The following EXOC4 variants were observed in gnomAD, a reference collection of about 807,000 sequenced individuals.
The protein encoded by EXOC4 is exocyst complex component 4.
EXOC4 carries 71 observed loss-of-function variants against 107.2 expected under a neutral mutation model. The observed-to-expected ratio is 0.66, with a 90% confidence interval of 0.55 to 0.81. The LOEUF (loss-of-function observed/expected upper bound fraction) is 0.81. Ranked by LOEUF, EXOC4 falls within the 30% of genes least tolerant of loss-of-function variation. EXOC4 has a pLI of 0.00. For missense variants in EXOC4, 1,108 were observed against 1,189.6 expected (o/e 0.93, Z 1.01); for synonymous variants, 456 against 441.2 (o/e 1.03, Z -0.42).
chr7:133,673,588 A>G (rs567307004), intron 10 of EXOC4, among the ~76,000 whole-genome samples: 37 of 151,986 alleles, frequency 2.4e-4, no homozygotes, highest in Admixed American at 6.5e-4. Context: ...GCATGTCCCA[A>G]CCTCTGGTTG....
chr7:133,939,410 T>C (rs1246087709), intron 14 of EXOC4, among the ~76,000 whole-genome samples: 3 of 152,200 alleles, frequency 2.0e-5, no homozygotes, highest in Non-Finnish European at 2.9e-5. Flanking sequence ...CAAGGGCCAA[T>C]GCAGGGTGGG....
chr7:133,370,427 CATAG>C (rs1738689348), intron 6 of EXOC4, among the ~76,000 whole-genome samples: 2 of 152,016 alleles, frequency 1.3e-5, no homozygotes, highest in South Asian at 2.1e-4. Context: ...GCTTCTGGGT[CATAG>C]ATAGATAGAG....
At chr7:133,302,441 A>G (rs994887583) in intron 3 of EXOC4, among the ~76,000 whole-genome samples, 2 of 152,176 alleles carry the variant, frequency 1.3e-5, no homozygotes, top group African/African-American at 4.8e-5. Flanking sequence ...AAAAATACTT[A>G]TATCTGTCTA....
chr7:133,618,203 G>A (rs1802241521), intron 9 of EXOC4, among the ~76,000 whole-genome samples: 1 of 151,644 alleles, frequency 6.6e-6, no homozygotes, highest in Admixed American at 6.6e-5. Flanking sequence ...TATTTTTAAT[G>A]GCTGCATAAT....
At chr7:133,780,316 A>AAG (rs60621892) in intron 10 of EXOC4, among the ~76,000 whole-genome samples, 1 of 151,388 alleles carries the variant, frequency 6.6e-6, no homozygotes, top group Non-Finnish European at 1.5e-5. Flanking sequence ...AAAAAAAAAA[A>AAG]GCCATACTTT....
At position 133,519,625 on chromosome 7, in the gene EXOC4, GAATC is replaced by G. The variant is rs1043570769; in HGVS notation, c.1417+39492_1417+39495del. Among the ~76,000 whole-genome samples the G allele has an allele frequency of 2.1e-4, 32 of 152,108 alleles. 1 individual carries two copies. Among genetic ancestry groups the G allele is most frequent in the Admixed American group, 2.0e-3 (30 of 15,266 alleles). Reference sequence around the variant, plus strand: ...AAATAGGAGAAAAAAAGCCAAAGAGGAATCAATCCATAGCCTTTTTAATAGAAAA... The same window carrying G: ...AAATAGGAGAAAAAAAGCCAAAGAGGAATCCATAGCCTTTTTAATAGAAAA... On this transcript the variant is annotated intron_variant, in intron 9 of 17. Coordinates refer to ENST00000253861, the MANE Select transcript of EXOC4 (RefSeq NM_021807.4).
At chr7:133,970,305 C>T (rs999402303) in intron 14 of EXOC4, among the ~76,000 whole-genome samples, 1 of 152,162 alleles carries the variant, frequency 6.6e-6, no homozygotes, top group African/African-American at 2.4e-5. Flanking sequence ...ATCCGCTGAG[C>T]TAGACCACTT....
chr7:133,781,034 A>G (rs1161699209), intron 10 of EXOC4, among the ~76,000 whole-genome samples: 2 of 152,364 alleles, frequency 1.3e-5, no homozygotes, highest in South Asian at 2.1e-4. Context: ...GGCACTGGCC[A>G]CTGAGTCAGC....
chr7:133,584,354 A>C (rs897162095), intron 9 of EXOC4, among the ~76,000 whole-genome samples: 2 of 152,090 alleles, frequency 1.3e-5, no homozygotes, highest in Admixed American at 6.6e-5. Context: ...TTATCTGCCC[A>C]AAACCCTTTT....
chr7:133,779,867 C>G (rs1291579258), intron 10 of EXOC4, among the ~76,000 whole-genome samples: 3 of 137,876 alleles, frequency 2.2e-5, no homozygotes, highest in African/African-American at 8.4e-5. Flanking sequence ...ACCTGGCCAC[C>G]CCAGCCAGCA....
intron 15 of EXOC4, among the ~76,000 whole-genome samples, chr7:134,002,111 A>G (rs1794543112): frequency 1.3e-5 from 2 of 152,236 alleles, no homozygotes; most frequent in South Asian, 4.1e-4. Flanking sequence ...GGCTACAACC[A>G]GTGCCATTAC....
intron 11 of EXOC4, among the ~76,000 whole-genome samples, chr7:133,886,657 T>G (rs546826015): frequency 6.6e-6 from 1 of 152,334 alleles, no homozygotes; most frequent in African/African-American, 2.4e-5. Context: ...TATGATTTGT[T>G]TAATAGAAAT....
intron 13 of EXOC4, among the ~76,000 whole-genome samples, chr7:133,936,591 A>G (rs1384011554): frequency 1.3e-5 from 2 of 151,992 alleles, no homozygotes; most frequent in African/African-American, 2.4e-5. Context: ...CTGCTTACCC[A>G]CCTGTGTGTA....
chr7:133,614,013 T>A (rs1802131862), intron 9 of EXOC4, among the ~76,000 whole-genome samples: 1 of 152,064 alleles, frequency 6.6e-6, no homozygotes, highest in South Asian at 2.1e-4. Flanking sequence ...CTAAAAAATG[T>A]CAAGTTAATA....
chr7:133,647,075 C>T (rs929319568), intron 10 of EXOC4, among the ~76,000 whole-genome samples: 1 of 152,180 alleles, frequency 6.6e-6, no homozygotes, highest in Admixed American at 6.5e-5. Context: ...GCATTGCTCA[C>T]ATCCAGTTTG....
intron 4 of EXOC4, among the ~76,000 whole-genome samples, chr7:133,311,713 A>G (rs1221275009): frequency 1.3e-5 from 2 of 152,216 alleles, no homozygotes; most frequent in Admixed American, 6.5e-5. Context: ...AGGATAAACT[A>G]TACTCTGAGG....
chr7:133,276,849 C>T (rs757149200), intron 2 of EXOC4, among the ~76,000 whole-genome samples: 9 of 152,176 alleles, frequency 5.9e-5, no homozygotes, highest in African/African-American at 7.2e-5. Flanking sequence ...TATGCTTCTA[C>T]AAATACTGAT....
intron 5 of EXOC4, 102 bp downstream of exon 5, chr7:133,317,492 C>A: frequency 1.3e-6 from 1 of 747,768 alleles, no homozygotes; most frequent in Non-Finnish European, 2.3e-6. Context: ...TTGGGCTGGG[C>A]TAGGTGGGCC....
intron 7 of EXOC4, among the ~76,000 whole-genome samples, chr7:133,399,616 A>G (rs1797045579): frequency 6.6e-6 from 1 of 152,256 alleles, no homozygotes; most frequent in South Asian, 2.1e-4. Flanking sequence ...AGTCACAGTA[A>G]GAGATGCACA....
Sources: gnomAD v4.1 joint callset for allele counts (sites outside exome capture counted in the v4.1 genomes callset) on GRCh38, gnomAD v4.1.1 for gene constraint, MANE v1.5 for transcripts, NCBI Gene and HGNC (gene_info 2026-07-23, HGNC 2026-07-21) for gene names.